Variants in LRP1B observed in about 807,000 individuals in gnomAD.
LRP1B encodes LDL receptor related protein 1B, also known as low-density lipoprotein receptor-related protein 1B.
Under a neutral mutation model 556.6 loss-of-function variants are expected in LRP1B, and 217 were observed. That is an observed-to-expected ratio of 0.39 (90% CI 0.35 to 0.44). The LOEUF is 0.44. Ranked by LOEUF, LRP1B falls within the 20% of genes least tolerant of loss-of-function variation. The probability of loss-of-function intolerance (pLI) is 1.00; values close to 1 mark genes in which losing one functional copy is unlikely to be tolerated. For synonymous variants in LRP1B, 2,047 were observed against 1,865.8 expected, an observed-to-expected ratio of 1.10 and a Z score of -2.50; for missense variants, 5,053 against 5,620.8, an observed-to-expected ratio of 0.90 and a Z score of 3.23.
At chr2:141,259,559 C>A (rs1173724198) in intron 3 of LRP1B, among the ~76,000 whole-genome samples, 1 of 152,206 alleles carries the variant, frequency 6.6e-6, no homozygotes, top group Non-Finnish European at 1.5e-5. Context: ...TGCAGGGAAT[C>A]CAGCAGACTT....
At chr2:141,635,068 C>CACACACA (rs1417669570) in intron 2 of LRP1B, among the ~76,000 whole-genome samples, 3 of 55,284 alleles carry the variant, frequency 5.4e-5, no homozygotes, top group African/African-American at 2.4e-4. Context: ...ACACACACAC[C>CACACACA]AAGTAAGCTT....
chr2:141,790,533 G>A lies in LRP1B; in HGVS notation c.205+19746C>T, dbSNP rs1334835803. 2.6e-5 allele frequency among the ~76,000 whole-genome samples: 4 copies of A among 151,792 alleles called. No individual in the cohort carries two copies. In the East Asian group the frequency reaches 7.8e-4, roughly 29 times the overall value. ...ACCCAGCTTGAACAACAGTAGTCAG[G>A]ATTTTATCTAATTTATGTAGTGGGA... On this transcript the variant is annotated intron_variant, in intron 2 of 90. Transcript: ENST00000389484.
At chr2:142,129,941 C>T (rs749255226) in intron 1 of LRP1B, among the ~76,000 whole-genome samples, 2 of 152,138 alleles carry the variant, frequency 1.3e-5, no homozygotes, top group African/African-American at 2.4e-5. Flanking sequence ...TACCATTCAC[C>T]AGCTGCTTGG....
At chr2:141,217,451 A>C (rs1682859306) in intron 6 of LRP1B, among the ~76,000 whole-genome samples, 1 of 152,198 alleles carries the variant, frequency 6.6e-6, no homozygotes, top group African/African-American at 2.4e-5. Flanking sequence ...TTGCTAACTC[A>C]ACGGAAAAAG....
rs546489178 is a variant in LRP1B, at chr2:140,873,011, C to T, written c.4170-4748G>A. 1.5e-4 allele frequency among the ~76,000 whole-genome samples: 23 copies of T among 152,110 alleles called. No individual in the cohort carries two copies. The South Asian group carries it at 4.1e-3, about 27-fold the overall frequency. On this transcript the variant is annotated intron_variant, in intron 25 of 90. Coordinates refer to ENST00000389484, the MANE Select transcript of LRP1B (RefSeq NM_018557.3). ...AAAATAAAAGTACTTAAATCAAATA[C>T]TTTATCAGGAAAAAAAGACTAGTCA...
At chr2:140,923,471 G>A (rs1243465152) in intron 20 of LRP1B, among the ~76,000 whole-genome samples, 1 of 151,994 alleles carries the variant, frequency 6.6e-6, no homozygotes, top group Non-Finnish European at 1.5e-5. Context: ...ATGCCTAAAG[G>A]ATGAAATCTT....
intron 7 of LRP1B, among the ~76,000 whole-genome samples, chr2:141,152,853 A>G (rs1018938678): frequency 1.5e-4 from 22 of 151,480 alleles, no homozygotes; most frequent in African/African-American, 5.1e-4. Context: ...CAACACCTAC[A>G]CTTTCCAAAA....
At chr2:140,250,590 C>T (rs150844627) in intron 86 of LRP1B, among the ~76,000 whole-genome samples, 99 of 151,142 alleles carry the variant, frequency 6.6e-4, no homozygotes, top group African/African-American at 2.3e-3. Flanking sequence ...ATTTCCATAA[C>T]AGTTGTATGT....
At chr2:140,856,741 ACACACACACACACACACAC>A (rs1692630264) in intron 27 of LRP1B, among the ~76,000 whole-genome samples, 1 of 10,732 alleles carries the variant, frequency 9.3e-5, no homozygotes, top group Non-Finnish European at 3.4e-4. Flanking sequence ...AGAGAGATAC[ACACACACACACACACACAC>A]ACACACACAC....
At chr2:141,441,657 G>C (rs1409464398) in intron 3 of LRP1B, among the ~76,000 whole-genome samples, 1 of 152,100 alleles carries the variant, frequency 6.6e-6, no homozygotes, top group African/African-American at 2.4e-5. Flanking sequence ...TTATACATCT[G>C]TAATATTCTA....
chr2:141,783,130 A>G (rs1304137911), intron 2 of LRP1B, among the ~76,000 whole-genome samples: 1 of 152,092 alleles, frequency 6.6e-6, no homozygotes, highest in Non-Finnish European at 1.5e-5. Flanking sequence ...AAAACATGGT[A>G]TGGTAGCAAA....
intron 3 of LRP1B, among the ~76,000 whole-genome samples, chr2:141,406,882 A>G (rs984132460): frequency 6.6e-6 from 1 of 152,166 alleles, no homozygotes; most frequent in Non-Finnish European, 1.5e-5. Flanking sequence ...AACTTATCCT[A>G]TGATGGATCT....
chr2:141,777,714 C>CA (rs1443933093), intron 2 of LRP1B, among the ~76,000 whole-genome samples: 1 of 152,062 alleles, frequency 6.6e-6, no homozygotes, highest in Non-Finnish European at 1.5e-5. Context: ...CGCGCCCAGC[C>CA]AAAATGACTT....
chr2:142,046,335 C>G (rs991630922), intron 1 of LRP1B, among the ~76,000 whole-genome samples: 2 of 151,894 alleles, frequency 1.3e-5, no homozygotes, highest in African/African-American at 4.8e-5. Context: ...GCATTTGGAG[C>G]ATGACAGTTG....
intron 42 of LRP1B, 100 bp downstream of exon 42, chr2:140,601,350 A>G (rs1682664514): frequency 2.0e-5 from 21 of 1,064,844 alleles, no homozygotes; most frequent in Non-Finnish European, 2.6e-5. Flanking sequence ...AACTTCAAAT[A>G]AAAACTTTAT....
At chr2:141,983,704 G>T (rs1473465277) in intron 1 of LRP1B, among the ~76,000 whole-genome samples, 1 of 152,126 alleles carries the variant, frequency 6.6e-6, no homozygotes, top group Admixed American at 6.6e-5. Flanking sequence ...TTGGGGGCAG[G>T]TGGGGATGGG....
At position 141,000,235 on chromosome 2, in the gene LRP1B, A is replaced by G. The variant is rs558777537; in HGVS notation, c.2503+5100T>C. Among the ~76,000 whole-genome samples the G allele has an allele frequency of 2.0e-3, 310 of 152,070 alleles. 3 individuals are homozygous for G. Among genetic ancestry groups the G allele is most frequent in the Non-Finnish European group, 1.4e-3 (95 of 67,946 alleles). On this transcript the variant is annotated intron_variant, in intron 15 of 90. Transcript: ENST00000389484. ...CACTTGGCCAGACAGGGCCATTTCT[A>G]ATAGAGTACAGTACCCAAGCAAATA... is the stretch of plus-strand genomic sequence containing the variant.
At chr2:140,414,922 G>T (rs546683333) in intron 66 of LRP1B, among the ~76,000 whole-genome samples, 27 of 152,284 alleles carry the variant, frequency 1.8e-4, no homozygotes, top group Non-Finnish European at 3.7e-4. Flanking sequence ...ATAAATGGAT[G>T]TGCAAATAGG....
chr2:141,908,620 TTA>T (rs1699823791), intron 1 of LRP1B, among the ~76,000 whole-genome samples: 1 of 152,108 alleles, frequency 6.6e-6, no homozygotes, highest in African/African-American at 2.4e-5. Context: ...TAAAAATTGC[TTA>T]TATAACATGT....
Sources: gnomAD v4.1 joint callset for allele counts (sites outside exome capture counted in the v4.1 genomes callset) on GRCh38, gnomAD v4.1.1 for gene constraint, MANE v1.5 for transcripts, NCBI Gene and HGNC (gene_info 2026-07-23, HGNC 2026-07-21) for gene names.